Variants in SLC2A1 observed in about 807,000 individuals in gnomAD.
SLC2A1 encodes the protein solute carrier family 2 member 1.
In SLC2A1, 4 loss-of-function variants were observed where a neutral mutation model predicts 46.6. The observed-to-expected ratio is 0.09, with a 90% CI of 0.04 to 0.20. SLC2A1 has a LOEUF of 0.20. Among genes scored for constraint, SLC2A1 ranks in the 10% least tolerant of loss-of-function variants. The pLI, the probability that SLC2A1 is intolerant of heterozygous loss-of-function variation, is 1.00. For synonymous variants in SLC2A1, 253 were observed against 270.0 expected, an observed-to-expected ratio of 0.94 and a Z score of 0.62; for missense variants, 352 against 667.0, an observed-to-expected ratio of 0.53 and a Z score of 5.20.
Position 42,925,406 on chromosome 1 carries a change from G to T in SLC2A1, c.*1635C>A, listed in dbSNP as rs919174727. Reference sequence around the variant, plus strand: ...TATCTTTGGTGTTTTATTTCCTCCAGTATTTTCTGAGTGCCTGCTGTGCAT... The same window carrying T: ...TATCTTTGGTGTTTTATTTCCTCCATTATTTTCTGAGTGCCTGCTGTGCAT... On this transcript the variant is annotated 3_prime_UTR_variant, in exon 10 of 10. Coordinates refer to ENST00000426263, the MANE Select transcript of SLC2A1 (RefSeq NM_006516.4). The T allele has an allele frequency of 2.0e-5, 3 of 152,184 alleles. No homozygotes were observed. The highest frequency in any genetic ancestry group is 7.2e-5 in the African/African-American group (3 of 41,438). 9.4% of individuals were successfully genotyped at this position (152,184 alleles called of 1,614,324 possible).
intron 8 of SLC2A1, among the ~76,000 whole-genome samples, chr1:42,928,075 T>C (rs1044976855): frequency 5.9e-5 from 9 of 152,198 alleles, no homozygotes; most frequent in African/African-American, 2.2e-4. Context: ...AGAGGCCCCA[T>C]GGTCCCCTGT....
chr1:42,945,743 A>AC (rs1274102554), intron 1 of SLC2A1, among the ~76,000 whole-genome samples: 24 of 107,296 alleles, frequency 2.2e-4, no homozygotes, highest in African/African-American at 1.0e-3. Context: ...TGTCTCAAAA[A>AC]AAAAAAAAAA....
chr1:42,930,643 C>T lies in SLC2A1; in HGVS notation c.499G>A (p.Gly167Ser), dbSNP rs773339124. 8 of 1,611,914 alleles carry T rather than the reference C, an allele frequency of 5.0e-6. No homozygotes were observed. Among genetic ancestry groups the T allele is most frequent in the African/African-American group, 1.3e-5 (1 of 74,866 alleles). Residue 167 changes from glycine to serine, a missense_variant, in exon 4 of 10, where the codon GGC (glycine) becomes AGC (serine). Transcript: ENST00000426263. This position sits in a 1 kb window ranked among gnomAD's most constrained non-coding sequence, Gnocchi z 6.2. ...GTLHQLGIVVGILIAQVFGLD... is the reference protein window; with the variant it reads ...GTLHQLGIVVSILIAQVFGLD... The stretch of plus-strand genomic sequence containing the variant: ...CAGCTTACCTGGGCGATGAGGATGC[C>T]GACGACGATGCCCAGCTGGTGCAGG...
At chr1:42,957,938 A>C (rs1344893415) in intron 1 of SLC2A1, among the ~76,000 whole-genome samples, 1 of 152,122 alleles carries the variant, frequency 6.6e-6, no homozygotes, top group Non-Finnish European at 1.5e-5. Flanking sequence ...GACTGGGCCA[A>C]AGCTTTGGGG....
chr1:42,951,982 C>A, intron 1 of SLC2A1: 1 of 412,092 alleles, frequency 2.4e-6, no homozygotes, highest in South Asian at 9.7e-5. Context: ...GCAGAGTACC[C>A]TAGATGGGAG....
At chr1:42,940,913 T>C (rs1643591069) in intron 2 of SLC2A1, among the ~76,000 whole-genome samples, 1 of 152,152 alleles carries the variant, frequency 6.6e-6, no homozygotes, top group Non-Finnish European at 1.5e-5. Context: ...CACGCCTCCA[T>C]TCCTGCACAT....
intron 1 of SLC2A1, among the ~76,000 whole-genome samples, chr1:42,947,581 C>CAA (rs144784155): frequency 0.01 from 583 of 55,752 alleles, 28 homozygotes; most frequent in Middle Eastern, 0.027. Flanking sequence ...CACACACACA[C>CAA]AAAAAAAAAA....
At chr1:42,940,317 C>A (rs566656357) in intron 2 of SLC2A1, among the ~76,000 whole-genome samples, 1 of 152,306 alleles carries the variant, frequency 6.6e-6, no homozygotes, top group South Asian at 2.1e-4. Context: ...GCCTCTTCTG[C>A]ATTCAGCAAT....
At position 42,943,326 on chromosome 1, in the gene SLC2A1, G is replaced by A. The variant is rs376653618; in HGVS notation, c.19-5C>T. On this transcript the variant is annotated splice_polypyrimidine_tract_variant and splice_region_variant and intron_variant, in intron 1 of 9. Transcript: ENST00000426263. ...CATGAGGCGACCCGTCAGCTTCTGC[G>A]GAGAAACAAACCACACTGTTATAGG... The A allele has an allele frequency of 7.4e-5, 119 of 1,610,160 alleles. No individual in the cohort carries two copies. The highest frequency in any genetic ancestry group is 4.9e-4 in the Middle Eastern group (3 of 6,076).
rs1643479461 is a variant in SLC2A1, at chr1:42,930,685, G to A, written c.457C>T (p.Arg153Cys). 1 of 1,613,226 alleles carries A rather than the reference G, an allele frequency of 6.2e-7. No individual in the cohort carries two copies. Residue 153 changes from arginine to cysteine, a missense_variant, in exon 4 of 10, where the codon CGT becomes TGT. By Grantham distance (180) the Arg-to-Cys change is radical. Transcript: ENST00000426263. The surrounding 1 kb of genome is among the most constrained non-coding windows in gnomAD (Gnocchi z 6.2). ...TGGTGCAGGGTGCCCAGGGCCCCACGAAGGGCTGTGGGTGACACTTCACCC... is the reference window on the plus strand; with the variant it reads ...TGGTGCAGGGTGCCCAGGGCCCCACAAAGGGCTGTGGGTGACACTTCACCC... ...YVGEVSPTAL[R>C]GALGTLHQLG...
intron 2 of SLC2A1, among the ~76,000 whole-genome samples, chr1:42,936,079 G>A (rs901706979): frequency 1.3e-5 from 2 of 152,160 alleles, no homozygotes; most frequent in Non-Finnish European, 2.9e-5. Context: ...AGGGGTATGC[G>A]TTTTGGAACC....
chr1:42,946,203 C>G (rs115384944), intron 1 of SLC2A1, among the ~76,000 whole-genome samples: 1 of 152,178 alleles, frequency 6.6e-6, no homozygotes. Context: ...CAAGGACATA[C>G]CCCTCCGCTG....
At chr1:42,947,514 G>A (rs1337248240) in intron 1 of SLC2A1, among the ~76,000 whole-genome samples, 3 of 142,170 alleles carry the variant, frequency 2.1e-5, no homozygotes, top group Non-Finnish European at 4.5e-5. Flanking sequence ...TTGAGCTCAG[G>A]AGTTCAAGAC....
chr1:42,945,184 T>C (rs891856889), intron 1 of SLC2A1, among the ~76,000 whole-genome samples: 3 of 152,194 alleles, frequency 2.0e-5, no homozygotes, highest in African/African-American at 7.2e-5. Context: ...GCAAAGTATA[T>C]ACTGTATTTT....
chr1:42,930,353 T>G lies in SLC2A1; in HGVS notation c.516+273A>C. 1 of 650,094 alleles carries G rather than the reference T, an allele frequency of 1.5e-6. No individual in the cohort carries two copies. Among genetic ancestry groups the G allele is most frequent in the East Asian group, 2.8e-5 (1 of 36,164 alleles). The allele number at this position is 650,094 out of a possible 1,614,324, so 40.3% of individuals were successfully genotyped here. On this transcript the variant is annotated intron_variant, in intron 4 of 9. Transcript: ENST00000426263. The surrounding 1 kb of genome is among the most constrained non-coding windows in gnomAD (Gnocchi z 6.2). ...GGGAAGCCTCCTGGAGAGAGGGTAC[T>G]GTGCATAACAGCCTGCGGCATGTTG...
At chr1:42,957,732 A>G (rs56946658) in intron 1 of SLC2A1, among the ~76,000 whole-genome samples, 19,239 of 152,128 alleles carry the variant, frequency 0.13, 3,101 homozygotes, top group African/African-American at 0.37. Flanking sequence ...ACTTACACAG[A>G]AAAAAAGAAA....
rs1165538409 is a variant in SLC2A1, at chr1:42,926,684, G to A, written c.*357C>T. 1.5e-6 allele frequency: 2 copies of A among 1,324,536 alleles called. No homozygotes were observed. The highest frequency in any genetic ancestry group is 2.0e-6 in the Non-Finnish European group (2 of 1,011,978). 82.0% of individuals were successfully genotyped at this position (1,324,536 alleles called of 1,614,324 possible). On this transcript the variant is annotated 3_prime_UTR_variant, in exon 10 of 10. Coordinates refer to ENST00000426263, the MANE Select transcript of SLC2A1 (RefSeq NM_006516.4). ...CCCTACAGATTAGCTGGGTGAAGAA[G>A]GCAAGTGTCTCGACAGGGCTTAGTC... is the stretch of plus-strand genomic sequence containing the variant.
At position 42,956,407 on chromosome 1, in the gene SLC2A1, C is replaced by CAAAAAAAAA. The variant is rs71577684; in HGVS notation, c.18+2218_18+2226dup. On this transcript the variant is annotated intron_variant, in intron 1 of 9. Transcript: ENST00000426263. ...AGAAACCCCGTCTCTACTAAAACTA[C>CAAAAAAAAA]AAAAAAAAAAAAAAAAAAAAAAAAA... 9.7e-4 allele frequency among the ~76,000 whole-genome samples: 43 copies of CAAAAAAAAA among 44,528 alleles called. 1 individual carries two copies. Among genetic ancestry groups the CAAAAAAAAA allele is most frequent in the African/African-American group, 3.6e-3 (34 of 9,494 alleles). 29.2% of individuals were successfully genotyped at this position (44,528 alleles called of 152,430 possible).
chr1:42,956,421 A>C (rs1477368877), intron 1 of SLC2A1, among the ~76,000 whole-genome samples: 5 of 133,112 alleles, frequency 3.8e-5, no homozygotes, highest in African/African-American at 1.1e-4. Context: ...AAAAAAAAAA[A>C]AAAAAAAAAA....
Sources: allele counts gnomAD v4.1 joint callset (sites outside exome capture counted in the v4.1 genomes callset), GRCh38; gene constraint gnomAD v4.1.1; non-coding constraint Gnocchi (gnomAD v3.1); transcripts MANE v1.5; gene names NCBI Gene and HGNC (gene_info 2026-07-23, HGNC 2026-07-21).